The following FTO variants were observed in gnomAD, a reference collection of about 807,000 sequenced individuals.
FTO encodes alpha-ketoglutarate-dependent dioxygenase FTO.
Under a neutral mutation model 63.9 loss-of-function variants are expected in FTO, and 47 were observed. The ratio of observed to expected loss-of-function variants is 0.74; its 90% CI spans 0.58 to 0.94. The LOEUF (loss-of-function observed/expected upper bound fraction) is 0.94. Among genes scored for constraint, FTO ranks in the 40% least tolerant of loss-of-function variants. The pLI is 0.00. For missense variants in FTO, 562 were observed against 618.1 expected (o/e 0.91, Z 0.96); for synonymous variants, 207 against 224.4 (o/e 0.92, Z 0.69).
intron 5 of FTO, among the ~76,000 whole-genome samples, chr16:53,878,554 T>C (rs8061239): frequency 0.51 from 78,022 of 152,084 alleles, 20,726 homozygotes; most frequent in East Asian, 0.85. Context: ...AAATTTTATA[T>C]CAGAGGATTA....
chr16:53,801,913 C>G (rs59995142), intron 1 of FTO, among the ~76,000 whole-genome samples: 1 of 151,992 alleles, frequency 6.6e-6, no homozygotes, highest in Non-Finnish European at 1.5e-5. Context: ...GTGTGCGCCA[C>G]CACACCCAGC....
intron 8 of FTO, among the ~76,000 whole-genome samples, chr16:53,965,501 A>G (rs1315107377): frequency 6.6e-6 from 1 of 152,136 alleles, no homozygotes; most frequent in African/African-American, 2.4e-5. Flanking sequence ...TTTAAAAGTA[A>G]TCACCCTTCC....
chr16:54,110,177 T>G (rs1161505208), intron 8 of FTO, among the ~76,000 whole-genome samples: 1 of 152,182 alleles, frequency 6.6e-6, no homozygotes, highest in Non-Finnish European at 1.5e-5. Flanking sequence ...CACCTATGAT[T>G]AAGTAGTCTA....
At chr16:53,754,537 C>T (rs2076874635) in intron 1 of FTO, among the ~76,000 whole-genome samples, 1 of 152,136 alleles carries the variant, frequency 6.6e-6, no homozygotes. Flanking sequence ...ATTCGGGAGG[C>T]TGAGTCAGGA....
At chr16:54,026,334 A>G (rs901775995) in intron 8 of FTO, among the ~76,000 whole-genome samples, 1 of 152,096 alleles carries the variant, frequency 6.6e-6, no homozygotes, top group African/African-American at 2.4e-5. Context: ...GCTCACCTAC[A>G]TTACAGGTAG....
At chr16:53,748,299 G>A (rs1453587398) in intron 1 of FTO, among the ~76,000 whole-genome samples, 3 of 151,784 alleles carry the variant, frequency 2.0e-5, no homozygotes, top group African/African-American at 7.3e-5. Context: ...CTATGACATG[G>A]GATATCATTT....
intron 7 of FTO, chr16:53,911,242 T>G: frequency 8.2e-6 from 5 of 610,850 alleles, no homozygotes; most frequent in East Asian, 2.8e-5. Flanking sequence ...TTGGAGTGAG[T>G]AAGAGAGAAT....
chr16:54,025,872 G>A (rs2084702150), intron 8 of FTO, among the ~76,000 whole-genome samples: 1 of 152,168 alleles, frequency 6.6e-6, no homozygotes, highest in African/African-American at 2.4e-5. Flanking sequence ...AATTATCCGG[G>A]CATGGGGGCG....
At chr16:53,877,409 G>C (rs1036924269) in intron 5 of FTO, among the ~76,000 whole-genome samples, 6 of 152,156 alleles carry the variant, frequency 3.9e-5, no homozygotes, top group Admixed American at 6.5e-5. Flanking sequence ...AATAACTCTT[G>C]AAAACATACG....
intron 1 of FTO, among the ~76,000 whole-genome samples, chr16:53,724,680 A>T (rs76426051): frequency 6.6e-6 from 1 of 152,114 alleles, no homozygotes; most frequent in Non-Finnish European, 1.5e-5. Context: ...CCCCAGTAAG[A>T]TATTTGAATA....
intron 7 of FTO, among the ~76,000 whole-genome samples, chr16:53,929,426 A>G (rs1428395562): frequency 6.6e-6 from 1 of 152,164 alleles, no homozygotes; most frequent in Non-Finnish European, 1.5e-5. Flanking sequence ...ACCACCGTGT[A>G]TTTATCCATT....
At chr16:53,833,253 A>G (rs565363545) in intron 3 of FTO, among the ~76,000 whole-genome samples, 2 of 152,336 alleles carry the variant, frequency 1.3e-5, no homozygotes, top group South Asian at 4.1e-4. Flanking sequence ...AAGTCCAATT[A>G]ATCCTCTTTT....
At chr16:53,947,505 C>A (rs914059124) in intron 8 of FTO, among the ~76,000 whole-genome samples, 6 of 152,036 alleles carry the variant, frequency 3.9e-5, no homozygotes, top group African/African-American at 1.5e-4. Context: ...CCCAGCCACC[C>A]CTTACTGGTC....
chr16:54,036,302 C>G (rs1047654815), intron 8 of FTO, among the ~76,000 whole-genome samples: 3 of 152,134 alleles, frequency 2.0e-5, no homozygotes, highest in Admixed American at 1.3e-4. Flanking sequence ...TTCCATGTTG[C>G]CTATCTCTGT....
At chr16:53,832,610 A>G (rs2079172362) in intron 3 of FTO, among the ~76,000 whole-genome samples, 1 of 152,152 alleles carries the variant, frequency 6.6e-6, no homozygotes, top group South Asian at 2.1e-4. Context: ...TTTTAACCAG[A>G]TGGAATTATA....
rs1407544079 is a variant in FTO at position 54,118,631 on chromosome 16, G to A, written c.*6716G>A. ...GCCTCCCAAAGCGCTGAGATTACAA[G>A]CGTGAGCCACTACGCCTTGCCCTCC... On this transcript the variant is annotated 3_prime_UTR_variant, in exon 9 of 9. Coordinates refer to ENST00000471389, the MANE Select transcript of FTO (RefSeq NM_001080432.3). 6.6e-6 allele frequency: 1 copy of A among 152,184 alleles called. No individual in the cohort carries two copies. The highest frequency in any genetic ancestry group is 2.4e-5 in the African/African-American group (1 of 41,424). 9.4% of individuals were successfully genotyped at this position (152,184 alleles called of 1,614,324 possible).
intron 8 of FTO, among the ~76,000 whole-genome samples, chr16:54,032,430 T>C (rs1269210190): frequency 6.6e-6 from 1 of 152,130 alleles, no homozygotes; most frequent in Non-Finnish European, 1.5e-5. Flanking sequence ...AAATTAGCTA[T>C]TGGGAAGACC....
intron 1 of FTO, chr16:53,711,228 G>C (rs1567918244): frequency 2.7e-6 from 1 of 376,010 alleles, no homozygotes. Flanking sequence ...TGAGTGTCTA[G>C]TCAAGTGGAT....
At chr16:53,996,335 A>G (rs2083931511) in intron 8 of FTO, among the ~76,000 whole-genome samples, 1 of 152,202 alleles carries the variant, frequency 6.6e-6, no homozygotes, top group South Asian at 2.1e-4. Flanking sequence ...TGGATAAACT[A>G]TATGGAAGTC....
Sources: gnomAD v4.1 joint callset for allele counts (sites outside exome capture counted in the v4.1 genomes callset) on GRCh38, gnomAD v4.1.1 for gene constraint, MANE v1.5 for transcripts, NCBI Gene and HGNC (gene_info 2026-07-23, HGNC 2026-07-21) for gene names.